PIK3C2B: variants seen among roughly 807,000 people sequenced by gnomAD.
PIK3C2B encodes phosphatidylinositol-4-phosphate 3-kinase catalytic subunit type 2 beta, also known as phosphatidylinositol 4-phosphate 3-kinase C2 domain-containing subunit beta.
PIK3C2B carries 83 observed loss-of-function variants against 184.3 expected under a neutral mutation model. The ratio of observed to expected loss-of-function variants is 0.45; its 90% confidence interval spans 0.38 to 0.54. The LOEUF (loss-of-function observed/expected upper bound fraction) is 0.54. Ranked by LOEUF, PIK3C2B falls within the 20% of genes least tolerant of loss-of-function variation. PIK3C2B has a pLI of 0.00. For synonymous variants in PIK3C2B, 779 were observed against 837.6 expected (o/e 0.93, Z 1.21); for missense variants, 1,736 against 2,113.5 (o/e 0.82, Z 3.50).
chr1:204,435,235 T>C (rs12031854), intron 23 of PIK3C2B: 23,847 of 152,210 alleles, frequency 0.16, 2,354 homozygotes, highest in Non-Finnish European at 0.22. Flanking sequence ...TGGTAAAATA[T>C]GTTAGAGATA....
Position 204,447,214 on chromosome 1 carries a change from T to C in PIK3C2B, c.2489+222A>G, listed in dbSNP as rs1025698236. 2.0e-5 allele frequency among the ~76,000 whole-genome samples: 3 copies of C among 152,108 alleles called. No individual in the cohort carries two copies. Among genetic ancestry groups the C allele is most frequent in the East Asian group, 3.9e-4 (2 of 5,186 alleles). On this transcript the variant is annotated intron_variant, in intron 15 of 32. Transcript: ENST00000684373. This position sits in a 1 kb window ranked among gnomAD's most constrained non-coding sequence, Gnocchi z 4.1. The stretch of plus-strand genomic sequence containing the variant: ...GGTAGCTGAGTCTGGACCAAGTCCC[T>C]GGGGTGGGGACTTGGGTATTCTCAG...
chr1:204,428,104 G>A, intron 30 of PIK3C2B, 35 bp downstream of exon 30: 1 of 1,255,476 alleles, frequency 8.0e-7, no homozygotes, highest in Non-Finnish European at 1.2e-6. Flanking sequence ...TAGTTCAGAG[G>A]AGTTGGCAGT....
chr1:204,454,990 C>T (rs1203316613), intron 11 of PIK3C2B, among the ~76,000 whole-genome samples, 199 bp from the exon 12 acceptor site: 4 of 152,340 alleles, frequency 2.6e-5, no homozygotes, highest in Middle Eastern at 6.8e-3. Context: ...AATCTAGATT[C>T]CTCTGCTCGG....
intron 1 of PIK3C2B, among the ~76,000 whole-genome samples, chr1:204,493,524 A>AACACACACACACAC (rs3038310): frequency 0.048 from 6,863 of 143,874 alleles, 197 homozygotes; most frequent in Middle Eastern, 0.067. Context: ...AATGGCAGAA[A>AACACACACACACAC]ACACACACAC....
In PIK3C2B at chr1:204,428,181, C is replaced by G. The variant is rs758336184; in HGVS notation, c.4438G>C (p.Asp1480His). ...VYTFFHPLPR[D>H]EKAMGTSPAP... ...GGGCTGGTGCCCATAGCCTTCTCAT[C>G]CCGGGGCAGTGGGTGGAAGAAGGTG... Residue 1480 changes from aspartate to histidine, a missense_variant, in exon 30 of 33, where the codon GAT (aspartate) becomes CAT (histidine). By Grantham distance (81) the Asp-to-His change is moderately conservative. Around this residue, in one of 8 missense-constraint regions of PIK3C2B, gnomAD observed 200 missense variants for 199.1 expected, o/e 1.00. Transcript: ENST00000684373. 1.2e-6 allele frequency: 2 copies of G among 1,613,102 alleles called. No individual in the cohort carries two copies. The highest frequency in any genetic ancestry group is 1.7e-6 in the Non-Finnish European group (2 of 1,179,196).
rs565435514 is a variant in PIK3C2B, at chr1:204,454,710, G to T, written c.2025C>A (p.His675Gln). 1.1e-5 allele frequency: 18 copies of T among 1,613,400 alleles called. No individual in the cohort carries two copies. The highest frequency in any genetic ancestry group is 1.2e-5 in the Non-Finnish European group (14 of 1,179,988). ...TGAGGTGGAAGAGGTACTTGGAGAA[G>T]TGAGCTCTTCGGGTCTGCAGGGGGC... The part of the protein sequence containing the change: ...LCSPLQTRRA[H>Q]FSKYLFHLIV... Residue 675 changes from histidine (H) to glutamine (Q), a missense_variant, in exon 12 of 33, where the codon CAC becomes CAA. Physicochemically the swap from His to Gln is conservative, Grantham distance 24. Around this residue, in one of 8 missense-constraint regions of PIK3C2B, gnomAD observed 609 missense variants for 699.2 expected, o/e 0.87. Transcript: ENST00000684373.
rs746761895 is a variant in PIK3C2B at position 204,467,173 on chromosome 1, GAGA to G, written c.933+1694_933+1696del. ...GTGAGGGAGTAGGGGAGGCAGGAGA[GAGA>G]AGGAGTGACAGAGGTGACCACCTAC... On this transcript the variant is annotated intron_variant, in intron 2 of 32. Transcript: ENST00000684373. The G allele has an allele frequency of 2.2e-5, 7 of 322,326 alleles. No homozygotes were observed. In the East Asian group the frequency reaches 2.7e-4, roughly 12 times the overall value. The allele number at this position is 322,326 out of a possible 1,614,324, so 20.0% of individuals were successfully genotyped here.
intron 16 of PIK3C2B, 77 bp from the exon 17 acceptor site, chr1:204,444,501 T>C (rs2103483633): frequency 1.9e-6 from 2 of 1,040,788 alleles, no homozygotes; most frequent in East Asian, 5.1e-5. Context: ...CCCTCACACC[T>C]GGGCTTCAGA....
chr1:204,460,004 A>AC (rs1655194616), intron 7 of PIK3C2B, 63 bp from the exon 8 acceptor site: 8 of 1,346,052 alleles, frequency 5.9e-6, no homozygotes, highest in Non-Finnish European at 8.5e-6. Flanking sequence ...GCCCTGGGAA[A>AC]CCCATTTTCT....
rs116127703 is a variant in PIK3C2B, at chr1:204,472,034, G to A, written c.-84-2148C>T. ...GGCCAGTGCTTCCACTTACTTCAGC[G>A]GTGGTATCCTTTTCTCTAGAAGCCA... On this transcript the variant is annotated intron_variant, in intron 1 of 32. Transcript: ENST00000684373. Among the ~76,000 whole-genome samples, 1,261 of 152,244 alleles carry A rather than the reference G, an allele frequency of 8.3e-3. 11 individuals carry two copies. Among genetic ancestry groups the A allele is most frequent in the African/African-American group, 0.027 (1,107 of 41,526 alleles).
chr1:204,491,186 G>C lies in PIK3C2B; in HGVS notation c.-85+3170C>G, dbSNP rs186965423. On this transcript the variant is annotated intron_variant, in intron 1 of 32. Transcript: ENST00000684373. ...GTGGATCACCTGAGGTCAGGAGTTC[G>C]AGACCAGCCTGGCCAACATGGTGAA... 1.6e-4 allele frequency among the ~76,000 whole-genome samples: 24 copies of C among 152,122 alleles called. No homozygotes were observed. In the South Asian group the frequency reaches 3.7e-3, roughly 24 times the overall value.
Position 204,469,733 on chromosome 1 carries a change from G to C in PIK3C2B, c.70C>G (p.Leu24Val), listed in dbSNP as rs777168719. ...LESVGISRKE[L>V]AMAEALQMEY... Reference sequence around the variant, plus strand: ...ATCTGCAGGGCTTCGGCCATCGCTAGCTCTTTGCGGCTGATGCCCACTGAC... The same window carrying C: ...ATCTGCAGGGCTTCGGCCATCGCTACCTCTTTGCGGCTGATGCCCACTGAC... The change falls in exon 2 of 33, where the codon CTA becomes GTA. Residue 24 changes from leucine (L) to valine (V), a missense_variant. Leu to Val is a conservative substitution (Grantham distance 32, BLOSUM62 1). Coordinates refer to ENST00000684373, the MANE Select transcript of PIK3C2B (RefSeq NM_001377334.1). 1 of 1,614,006 alleles carries C rather than the reference G, an allele frequency of 6.2e-7. No individual in the cohort carries two copies. The highest frequency in any genetic ancestry group is 8.5e-7 in the Non-Finnish European group (1 of 1,179,926).
intron 1 of PIK3C2B, among the ~76,000 whole-genome samples, chr1:204,487,093 C>G (rs1352833422): frequency 6.6e-6 from 1 of 152,148 alleles, no homozygotes. Flanking sequence ...GCGTGAGCCA[C>G]TGCGCCCAGC....
intron 5 of PIK3C2B, 30 bp from the exon 6 acceptor site, chr1:204,460,691 C>T: frequency 7.2e-7 from 1 of 1,382,266 alleles, no homozygotes; most frequent in Non-Finnish European, 1.0e-6. Flanking sequence ...AGACCATTAG[C>T]ATCCTGGGGA....
intron 23 of PIK3C2B, among the ~76,000 whole-genome samples, chr1:204,436,600 T>G (rs999771498): frequency 6.6e-6 from 1 of 152,226 alleles, no homozygotes; most frequent in African/African-American, 2.4e-5. Flanking sequence ...AGACTGAGAT[T>G]AAACATGAAC....
In PIK3C2B at chr1:204,447,373, C is replaced by A; in HGVS notation, c.2489+63G>T. The A allele has an allele frequency of 2.0e-6, 3 of 1,519,100 alleles. No individual in the cohort carries two copies. Among genetic ancestry groups the A allele is most frequent in the Non-Finnish European group, 2.7e-6 (3 of 1,105,904 alleles). 94.1% of individuals were successfully genotyped at this position (1,519,100 alleles called of 1,614,324 possible). ...CACCTCCACTCCCAAAGCAGGAGGA[C>A]GGAGACTCAGTGCTGGGAGGTCAGA... On this transcript the variant is annotated intron_variant, in intron 15 of 32. Coordinates refer to ENST00000684373, the MANE Select transcript of PIK3C2B (RefSeq NM_001377334.1). The surrounding 1 kb of genome is among the most constrained non-coding windows in gnomAD (Gnocchi z 4.1).
chr1:204,444,195 A>T, intron 17 of PIK3C2B, 33 bp from the exon 18 acceptor site: 1 of 1,518,058 alleles, frequency 6.6e-7, no homozygotes, highest in South Asian at 1.1e-5. Context: ...GAGAATATGA[A>T]GCTTCATTAA....
At chr1:204,456,315 C>A in intron 10 of PIK3C2B, 1 of 336,502 alleles carries the variant, frequency 3.0e-6, no homozygotes. Context: ...TTAAAATGTC[C>A]TTTCTTTTAG....
At chr1:204,457,548 C>G (rs1654975240) in intron 9 of PIK3C2B, among the ~76,000 whole-genome samples, 180 bp downstream of exon 9, 1 of 152,230 alleles carries the variant, frequency 6.6e-6, no homozygotes, top group Admixed American at 6.5e-5. Flanking sequence ...GAAGAGGAGA[C>G]ACACTTGGCA....
Sources: allele counts gnomAD v4.1 joint callset (sites outside exome capture counted in the v4.1 genomes callset), GRCh38; gene constraint gnomAD v4.1.1; regional missense constraint gnomAD v4.1.1; non-coding constraint Gnocchi (gnomAD v3.1); transcripts MANE v1.5; gene names NCBI Gene and HGNC (gene_info 2026-07-23, HGNC 2026-07-21).